The following DENND6B variants were observed in gnomAD, a reference collection of about 807,000 sequenced individuals.
DENND6B encodes the protein protein DENND6B.
A neutral mutation model predicts 85.1 loss-of-function variants in DENND6B; 73 were observed. The ratio of observed to expected loss-of-function variants is 0.86; its 90% CI spans 0.71 to 1.04. The LOEUF is 1.04. DENND6B is among the 50% of genes least tolerant of loss of function. The probability of loss-of-function intolerance (pLI) is 0.00; values close to 1 mark genes in which losing one functional copy is unlikely to be tolerated. For synonymous variants in DENND6B, 357 were observed against 329.3 expected (o/e 1.08, Z -0.91); for missense variants, 715 against 785.8 (o/e 0.91, Z 1.08).
At chr22:50,319,380 T>C (rs1428722143) in intron 1 of DENND6B, 2 of 985,214 alleles carry the variant, frequency 2.0e-6, no homozygotes, top group African/African-American at 1.7e-5. Context: ...GCCAGCACAA[T>C]TGGGTGAGCT....
At position 50,313,438 on chromosome 22, in the gene DENND6B, A is replaced by T; in HGVS notation, c.1347+8T>A. 6.5e-7 allele frequency: 1 copy of T among 1,537,504 alleles called. No individual in the cohort carries two copies. Among genetic ancestry groups the T allele is most frequent in the South Asian group, 1.2e-5 (1 of 80,024 alleles). On this transcript the variant is annotated splice_region_variant and intron_variant, in intron 16 of 19. Transcript: ENST00000413817. ...ATGGACCCCACAAAACCCCCACAGG[A>T]CCCCCACCTTCCAGGGCGTGATGCT...
At chr22:50,318,930 G>A (rs1329745883) in intron 2 of DENND6B, 35 bp downstream of exon 2, 2 of 1,610,530 alleles carry the variant, frequency 1.2e-6, no homozygotes, top group Admixed American at 1.7e-5. Context: ...ACCCACTCCT[G>A]GGTCCTGTCC....
Position 50,313,593 on chromosome 22 carries a change from C to A in DENND6B, c.1293+42G>T, listed in dbSNP as rs554844986. On this transcript the variant is annotated intron_variant, in intron 15 of 19. Coordinates refer to ENST00000413817, the MANE Select transcript of DENND6B (RefSeq NM_001001794.4). Reference sequence around the variant, plus strand: ...TCCCCCCCAACCCCATCCCCCCAGCCCCGTGCCCCCCAGTCCCATGTCCCC... The same window carrying A: ...TCCCCCCCAACCCCATCCCCCCAGCACCGTGCCCCCCAGTCCCATGTCCCC... 72 of 1,523,538 alleles carry A rather than the reference C, an allele frequency of 4.7e-5. 3 individuals are homozygous for A. The South Asian group carries it at 8.6e-4, about 18-fold the overall frequency. 94.4% of individuals were successfully genotyped at this position (1,523,538 alleles called of 1,614,324 possible). A position where few individuals can be genotyped will look rare whatever the true frequency, so the allele number is the denominator to read the frequency against.
chr22:50,315,160 T>A, intron 9 of DENND6B: 2 of 573,498 alleles, frequency 3.5e-6, no homozygotes, highest in Non-Finnish European at 5.9e-6. Context: ...TGGACCCACC[T>A]GTGAGGGACC....
chr22:50,322,852 AT>A (rs374958143), intron 1 of DENND6B, among the ~76,000 whole-genome samples: 3,857 of 140,742 alleles, frequency 0.027, 83 homozygotes, highest in Admixed American at 0.037. Context: ...GCCCAGCCTT[AT>A]TTTTTTTTTT....
At chr22:50,321,510 G>A (rs1028406600) in intron 1 of DENND6B, among the ~76,000 whole-genome samples, 1 of 151,816 alleles carries the variant, frequency 6.6e-6, no homozygotes, top group Non-Finnish European at 1.5e-5. Flanking sequence ...AAGGGTGCAC[G>A]CCACCACGCC....
At chr22:50,316,299 T>C in intron 6 of DENND6B, 46 bp from the exon 7 acceptor site, 1 of 1,566,480 alleles carries the variant, frequency 6.4e-7, no homozygotes, top group Non-Finnish European at 8.6e-7. Flanking sequence ...AAGGAGAAGC[T>C]GCTGCCGAGC....
intron 1 of DENND6B, among the ~76,000 whole-genome samples, chr22:50,320,953 G>A (rs905423873): frequency 1.3e-5 from 2 of 152,206 alleles, no homozygotes; most frequent in Admixed American, 1.3e-4. Context: ...TACAAAGCCA[G>A]GGGTCAGGCC....
At chr22:50,320,998 A>G (rs2042025456) in intron 1 of DENND6B, among the ~76,000 whole-genome samples, 1 of 152,134 alleles carries the variant, frequency 6.6e-6, no homozygotes, top group Non-Finnish European at 1.5e-5. Flanking sequence ...TAAGGGGACA[A>G]ATGGAGCTGA....
Position 50,317,393 on chromosome 22 carries a change from A to G in DENND6B, c.373-20T>C. ...CTCCCTCTGCAAGGAGCATGGTGTTAGCCAGCCACGCCCCACCCGGACCAC... is the reference window on the plus strand; with the variant it reads ...CTCCCTCTGCAAGGAGCATGGTGTTGGCCAGCCACGCCCCACCCGGACCAC... On this transcript the variant is annotated intron_variant, in intron 4 of 19. Transcript: ENST00000413817. 2 of 1,612,166 alleles carry G rather than the reference A, an allele frequency of 1.2e-6. No homozygotes were observed. Among genetic ancestry groups the G allele is most frequent in the Non-Finnish European group, 1.7e-6 (2 of 1,179,442 alleles).
chr22:50,313,356 C>A, intron 16 of DENND6B, 90 bp downstream of exon 16: 1 of 1,473,044 alleles, frequency 6.8e-7, no homozygotes, highest in East Asian at 2.5e-5. Flanking sequence ...CCTGCCCAGC[C>A]ACAGCCTCCT....
intron 19 of DENND6B, 37 bp downstream of exon 19, chr22:50,312,306 G>A (rs1437982475): frequency 1.2e-6 from 2 of 1,611,062 alleles, no homozygotes; most frequent in South Asian, 2.2e-5. Context: ...TCCGTGCCAG[G>A]CTGGTGGCGC....
In DENND6B at chr22:50,315,979, G is replaced by T. The variant is rs762143788; in HGVS notation, c.702+46C>A. On this transcript the variant is annotated intron_variant, in intron 8 of 19. Transcript: ENST00000413817. ...CCCGGCCCAGGAGCAGGACTCAATCGGGTGAAGCCCAGCTGTTTCAGCTCC... is the reference window on the plus strand; with the variant it reads ...CCCGGCCCAGGAGCAGGACTCAATCTGGTGAAGCCCAGCTGTTTCAGCTCC... 3.1e-6 allele frequency: 5 copies of T among 1,611,384 alleles called. No individual in the cohort carries two copies. The African/African-American group carries it at 6.7e-5, about 22-fold the overall frequency.
intron 7 of DENND6B, 37 bp from the exon 8 acceptor site, chr22:50,316,124 G>T: frequency 1.2e-6 from 2 of 1,612,642 alleles, no homozygotes; most frequent in Non-Finnish European, 1.7e-6. Context: ...GAGGGAGTAG[G>T]GCATCCCCAC....
At position 50,314,607 on chromosome 22, in the gene DENND6B, G is replaced by C. The variant is rs983957497; in HGVS notation, c.975C>G (p.Ala325=). 6.4e-7 allele frequency: 1 copy of C among 1,561,214 alleles called. No individual in the cohort carries two copies. Among genetic ancestry groups the C allele is most frequent in the Admixed American group, 1.9e-5 (1 of 51,748 alleles). ...GGCGGGGCAGAGGCGGCACTTACGG[G>C]GCCTGCGTGCGTGTGGTGAACTCCT... is the stretch of plus-strand genomic sequence containing the variant. The part of the protein sequence containing the change: ...EFKEFTTRTQ[A]PPNVVLGVTN... Residue 325 remains alanine (A), a splice_region_variant and synonymous_variant, in exon 11 of 20, where the codon GCC becomes GCG. Transcript: ENST00000413817.
chr22:50,324,382 C>T (rs1346988652), intron 1 of DENND6B, among the ~76,000 whole-genome samples: 3 of 152,214 alleles, frequency 2.0e-5, no homozygotes, highest in Non-Finnish European at 4.4e-5. Context: ...ATGCTGGGCA[C>T]CAGTATTGTG....
intron 1 of DENND6B, among the ~76,000 whole-genome samples, chr22:50,321,396 C>G (rs916932911): frequency 1.3e-5 from 2 of 152,180 alleles, no homozygotes; most frequent in African/African-American, 4.8e-5. Context: ...GGGTCTTGCT[C>G]TGTCACCAGG....
At position 50,314,703 on chromosome 22, in the gene DENND6B, G is replaced by A. The variant is rs569014260; in HGVS notation, c.882-3C>T. The A allele has an allele frequency of 5.7e-6, 9 of 1,567,050 alleles. No individual in the cohort carries two copies. In the African/African-American group the frequency reaches 1.1e-4, roughly 19 times the overall value. On this transcript the variant is annotated splice_polypyrimidine_tract_variant and splice_region_variant and intron_variant, in intron 10 of 19. Transcript: ENST00000413817. ...AGAACCTGAGGGGCTGCAGGCAGCTGTGGGCAGAGGCAGCAGGGAGCAGGT... is the reference window on the plus strand; with the variant it reads ...AGAACCTGAGGGGCTGCAGGCAGCTATGGGCAGAGGCAGCAGGGAGCAGGT...
Position 50,313,733 on chromosome 22 carries a change from G to GCTTCACACC in DENND6B, c.1204-10_1204-9insGGTGTGAAG. Reference sequence around the variant, plus strand: ...CGCTTCTTCTGCACGCCCTGCAGGGGAGAGAGGGCCAGGCCCTTGCTGCGC... The same window carrying GCTTCACACC: ...CGCTTCTTCTGCACGCCCTGCAGGGGCTTCACACCAGAGAGGGCCAGGCCCTTGCTGCGC... On this transcript the variant is annotated splice_polypyrimidine_tract_variant and intron_variant, in intron 14 of 19. Coordinates refer to ENST00000413817, the MANE Select transcript of DENND6B (RefSeq NM_001001794.4). 3.7e-6 allele frequency: 6 copies of GCTTCACACC among 1,604,460 alleles called. No individual in the cohort carries two copies. The highest frequency in any genetic ancestry group is 5.1e-6 in the Non-Finnish European group (6 of 1,177,008).
Sources: gnomAD v4.1 joint callset for allele counts (sites outside exome capture counted in the v4.1 genomes callset) on GRCh38, gnomAD v4.1.1 for gene constraint, MANE v1.5 for transcripts, NCBI Gene and HGNC (gene_info 2026-07-23, HGNC 2026-07-21) for gene names.